Variants in INPP5F observed in about 807,000 individuals in gnomAD.
The protein encoded by INPP5F is phosphatidylinositide 4-phosphatase SAC2.
INPP5F carries 97 observed loss-of-function variants against 137.2 expected under a neutral mutation model. The observed-to-expected ratio is 0.71, with a 90% CI of 0.60 to 0.84. The LOEUF is 0.84. Ranked by LOEUF, INPP5F falls within the 40% of genes least tolerant of loss-of-function variation. The probability of loss-of-function intolerance (pLI) is 0.00; values close to 1 mark genes in which losing one functional copy is unlikely to be tolerated. For synonymous variants in INPP5F, 504 were observed against 476.9 expected (o/e 1.06, Z -0.74); for missense variants, 1,271 against 1,371.9 (o/e 0.93, Z 1.16).
At chr10:119,764,808 C>T (rs867021853) in intron 2 of INPP5F, among the ~76,000 whole-genome samples, 1 of 152,132 alleles carries the variant, frequency 6.6e-6, no homozygotes. Flanking sequence ...GAACTCCTGA[C>T]CTCAGCTGAT....
At chr10:119,823,985 G>A in intron 19 of INPP5F, 83 bp downstream of exon 19, 2 of 993,186 alleles carry the variant, frequency 2.0e-6, no homozygotes, top group South Asian at 1.4e-5. Flanking sequence ...GGGGAAAGGG[G>A]AGGAGATCAC....
rs1851808403 is a variant in INPP5F at position 119,827,372 on chromosome 10, T to G, written c.2991T>G (p.Asn997Lys). 9.3e-6 allele frequency: 15 copies of G among 1,614,186 alleles called. No individual in the cohort carries two copies. The highest frequency in any genetic ancestry group is 1.3e-5 in the Non-Finnish European group (15 of 1,180,032). Residue 997 changes from asparagine (N) to lysine (K), a missense_variant, in exon 20 of 20, where the codon AAT becomes AAG. By Grantham distance (94) the Asn-to-Lys change is moderately conservative. Transcript: ENST00000650623. The part of the protein sequence containing the change: ...ERNQMTNQVS[N>K]ETQSESTEQT... ...ATCAAATGACCAATCAAGTTTCAAA[T>G]GAAACCCAATCAGAATCAACAGAAC...
intron 11 of INPP5F, among the ~76,000 whole-genome samples, chr10:119,805,919 G>A (rs1850762720): frequency 6.6e-6 from 1 of 152,204 alleles, no homozygotes; most frequent in Non-Finnish European, 1.5e-5. Flanking sequence ...GACTACACGG[G>A]TGGCCAGAGA....
At chr10:119,817,115 G>C (rs1432704206) in intron 15 of INPP5F, among the ~76,000 whole-genome samples, 2 of 152,188 alleles carry the variant, frequency 1.3e-5, no homozygotes, top group Non-Finnish European at 2.9e-5. Flanking sequence ...GTGACTGGCT[G>C]CTTTCAGTTA....
intron 1 of INPP5F, among the ~76,000 whole-genome samples, chr10:119,733,818 C>A (rs182013045): frequency 6.6e-6 from 1 of 152,266 alleles, no homozygotes; most frequent in East Asian, 1.9e-4. Flanking sequence ...CCCCACTTGT[C>A]CCACTTGCCT....
At chr10:119,822,864 G>A (rs1174966137) in intron 17 of INPP5F, among the ~76,000 whole-genome samples, 5 of 152,160 alleles carry the variant, frequency 3.3e-5, no homozygotes. Context: ...TTTACCTTGT[G>A]AAGATTACCC....
At chr10:119,814,470 C>G (rs1437443075) in intron 15 of INPP5F, 2 of 152,224 alleles carry the variant, frequency 1.3e-5, no homozygotes, top group Non-Finnish European at 2.9e-5. Context: ...AACTTATCAT[C>G]AGTCACACGT....
rs1847878500 is a variant in INPP5F at position 119,726,219 on chromosome 10, G to A, written c.-44G>A. 6.0e-6 allele frequency: 8 copies of A among 1,326,170 alleles called. No individual in the cohort carries two copies. The highest frequency in any genetic ancestry group is 3.2e-5 in the Admixed American group (1 of 31,600). 82.2% of individuals were successfully genotyped at this position (1,326,170 alleles called of 1,614,324 possible). A position where few individuals can be genotyped will look rare whatever the true frequency, so the allele number is the denominator to read the frequency against. On this transcript the variant is annotated 5_prime_UTR_variant, in exon 1 of 20. Coordinates refer to ENST00000650623, the MANE Select transcript of INPP5F (RefSeq NM_014937.4). ...GCCTCGACCGACTAGGACGCCCCGT[G>A]CGCCGCCCGCGGGCCGCCGCCTCCC...
intron 1 of INPP5F, among the ~76,000 whole-genome samples, chr10:119,745,236 C>G (rs940932001): frequency 5.3e-5 from 8 of 152,116 alleles, no homozygotes; most frequent in Non-Finnish European, 1.2e-4. Flanking sequence ...CACATAGCTT[C>G]TTTTGAGGAC....
intron 2 of INPP5F, among the ~76,000 whole-genome samples, chr10:119,769,635 G>A (rs1849278544): frequency 6.6e-6 from 1 of 152,158 alleles, no homozygotes; most frequent in African/African-American, 2.4e-5. Context: ...AAGCAAAAAG[G>A]AAGTATGAAT....
intron 8 of INPP5F, 100 bp downstream of exon 8, chr10:119,797,740 C>G (rs961303876): frequency 1.2e-6 from 1 of 828,802 alleles, no homozygotes; most frequent in Middle Eastern, 2.4e-4. Context: ...TTGCCAGATA[C>G]TTCTTTCAAA....
intron 6 of INPP5F, among the ~76,000 whole-genome samples, chr10:119,794,899 G>C (rs1303455773): frequency 8.0e-6 from 1 of 125,084 alleles, no homozygotes; most frequent in East Asian, 2.4e-4. Context: ...CGGGCGGGGG[G>C]CTGACCCCCC....
rs921728959 is a variant in INPP5F, at chr10:119,779,849, T to G, written c.179-1786T>G. Among the ~76,000 whole-genome samples the G allele has an allele frequency of 3.0e-4, 46 of 152,198 alleles. 1 individual carries two copies. Among genetic ancestry groups the G allele is most frequent in the Admixed American group, 2.8e-3 (43 of 15,286 alleles). On this transcript the variant is annotated intron_variant, in intron 2 of 19. Transcript: ENST00000650623. ...ACACTTAGGTTAAAACACAAACACA[T>G]TGTACAGCTGTGCAAAAATATTTTC...
At chr10:119,810,312 G>A in intron 14 of INPP5F, 95 bp downstream of exon 14, 1 of 662,442 alleles carries the variant, frequency 1.5e-6, no homozygotes, top group South Asian at 2.0e-5. Context: ...TTCATATTTT[G>A]TAATATACTT....
In INPP5F at chr10:119,726,072, T is replaced by TGCC. The variant is rs1847871997; in HGVS notation, c.-182_-180dup. 2.7e-6 allele frequency: 1 copy of TGCC among 368,756 alleles called. No individual in the cohort carries two copies. The highest frequency in any genetic ancestry group is 7.2e-5 in the South Asian group (1 of 13,888). 22.8% of individuals were successfully genotyped at this position (368,756 alleles called of 1,614,324 possible). A position where few individuals can be genotyped will look rare whatever the true frequency, so the allele number is the denominator to read the frequency against. ...GGGGAGAGGCCTCTACGGCCGCCGC[T>TGCC]GCCGCCGCCGCTGCCGGGGCGCGTT... On this transcript the variant is annotated 5_prime_UTR_variant, in exon 1 of 20. Coordinates refer to ENST00000650623, the MANE Select transcript of INPP5F (RefSeq NM_014937.4).
In INPP5F at chr10:119,735,620, C is replaced by G. The variant is rs538604081; in HGVS notation, c.97+9261C>G. On this transcript the variant is annotated intron_variant, in intron 1 of 19. Coordinates refer to ENST00000650623, the MANE Select transcript of INPP5F (RefSeq NM_014937.4). ...TCTTATTTCCAGCTTAAAGAATGTC[C>G]CTTCCCCCAGGGAGCAACTGTGGTG... Among the ~76,000 whole-genome samples, 3 of 152,148 alleles carry G rather than the reference C, an allele frequency of 2.0e-5. No individual in the cohort carries two copies. In the East Asian group the frequency reaches 5.8e-4, roughly 29 times the overall value.
intron 10 of INPP5F, 61 bp downstream of exon 10, chr10:119,804,358 C>T (rs1850693851): frequency 7.5e-7 from 1 of 1,340,328 alleles, no homozygotes; most frequent in Non-Finnish European, 1.0e-6. Context: ...GATGCTGCCA[C>T]AGGGACCTTA....
chr10:119,735,142 C>A (rs1331894496), intron 1 of INPP5F, among the ~76,000 whole-genome samples: 1 of 152,202 alleles, frequency 6.6e-6, no homozygotes, highest in East Asian at 1.9e-4. Flanking sequence ...TAGGATGACT[C>A]ATTTTCTGGT....
chr10:119,742,557 AG>A (rs1224928327), intron 1 of INPP5F, among the ~76,000 whole-genome samples: 4 of 152,230 alleles, frequency 2.6e-5, no homozygotes, highest in Admixed American at 1.3e-4. Context: ...TCAGTTATTG[AG>A]GAGATACCTC....
Sources: gnomAD v4.1 joint callset for allele counts (sites outside exome capture counted in the v4.1 genomes callset) on GRCh38, gnomAD v4.1.1 for gene constraint, MANE v1.5 for transcripts, NCBI Gene and HGNC (gene_info 2026-07-23, HGNC 2026-07-21) for gene names.